Variants in KIAA1217 observed in about 807,000 individuals in gnomAD.
The protein encoded by KIAA1217 is sickle tail protein homolog.
In KIAA1217, 88 loss-of-function variants were observed where a neutral mutation model predicts 163.9. The ratio of observed to expected loss-of-function variants is 0.54; its 90% confidence interval spans 0.45 to 0.64. The LOEUF (loss-of-function observed/expected upper bound fraction) is 0.64, where lower values mean the gene tolerates loss of function less well. Ranked by LOEUF, KIAA1217 falls within the 30% of genes least tolerant of loss-of-function variation. KIAA1217 has a pLI of 0.00. For synonymous variants in KIAA1217, 903 were observed against 923.1 expected (o/e 0.98, Z 0.39); for missense variants, 2,372 against 2,475.0 (o/e 0.96, Z 0.88).
At chr10:23,919,418 C>T (rs1233882540) in intron 1 of KIAA1217, among the ~76,000 whole-genome samples, 2 of 151,718 alleles carry the variant, frequency 1.3e-5, no homozygotes, top group East Asian at 3.9e-4. Flanking sequence ...CCAGCCTGGG[C>T]AACATGGTGA....
chr10:23,859,219 A>G (rs959084113), intron 1 of KIAA1217, among the ~76,000 whole-genome samples: 1 of 152,184 alleles, frequency 6.6e-6, no homozygotes, highest in Non-Finnish European at 1.5e-5. Flanking sequence ...TTATGGACCT[A>G]AAGCCTGTGG....
intron 1 of KIAA1217, among the ~76,000 whole-genome samples, chr10:23,910,502 A>G (rs1049493817): frequency 3.9e-5 from 6 of 152,268 alleles, no homozygotes; most frequent in African/African-American, 1.4e-4. Flanking sequence ...TGCAGCTGCC[A>G]CTGTTTGTCA....
intron 1 of KIAA1217, among the ~76,000 whole-genome samples, chr10:23,916,582 A>G (rs17576694): frequency 0.017 from 2,651 of 152,340 alleles, 45 homozygotes; most frequent in Admixed American, 0.052. Flanking sequence ...AACACTAAAT[A>G]TGAAAGTATT....
intron 2 of KIAA1217, among the ~76,000 whole-genome samples, chr10:24,376,753 G>A (rs2052549999): frequency 6.6e-6 from 1 of 152,130 alleles, no homozygotes; most frequent in Non-Finnish European, 1.5e-5. Flanking sequence ...TAGAGACCCT[G>A]TCTGACTGAA....
Position 23,700,066 on chromosome 10 carries a change from A to G in KIAA1217, c.-321+4832A>G, listed in dbSNP as rs78038586. 2.1e-3 allele frequency among the ~76,000 whole-genome samples: 320 copies of G among 152,326 alleles called. 1 individual carries two copies. The highest frequency in any genetic ancestry group is 7.0e-3 in the African/African-American group (291 of 41,580). On this transcript the variant is annotated intron_variant, in intron 1 of 18. Transcript: ENST00000376462. ...AGAGCCACAGCCTTCTAAAGATTCTAACTGTGAAGTACTGTTTCCTTTGCT... is the reference window on the plus strand; with the variant it reads ...AGAGCCACAGCCTTCTAAAGATTCTGACTGTGAAGTACTGTTTCCTTTGCT...
chr10:24,012,493 T>A (rs1847278475), intron 2 of KIAA1217, among the ~76,000 whole-genome samples: 1 of 152,146 alleles, frequency 6.6e-6, no homozygotes, highest in South Asian at 2.1e-4. Context: ...AGAGAAGCAG[T>A]AGGAAAGGAA....
chr10:24,397,442 C>G (rs545668769), intron 3 of KIAA1217, among the ~76,000 whole-genome samples: 1 of 152,282 alleles, frequency 6.6e-6, no homozygotes, highest in South Asian at 2.1e-4. Flanking sequence ...TAGTAGCTAA[C>G]ATTTGCTAAG....
intron 1 of KIAA1217, among the ~76,000 whole-genome samples, chr10:23,993,208 T>G (rs972148432): frequency 5.3e-5 from 8 of 151,788 alleles, no homozygotes; most frequent in African/African-American, 1.7e-4. Flanking sequence ...ATTTTTGTAT[T>G]TTTAGTAGAG....
intron 1 of KIAA1217, 40 bp downstream of exon 1, chr10:24,209,303 G>A: frequency 2.7e-6 from 4 of 1,486,684 alleles, no homozygotes; most frequent in Non-Finnish European, 3.7e-6. Flanking sequence ...TTACAGGGAC[G>A]CGTGCCCCTT....
chr10:23,793,457 T>G (rs567586157), intron 1 of KIAA1217, among the ~76,000 whole-genome samples: 2 of 152,336 alleles, frequency 1.3e-5, no homozygotes, highest in African/African-American at 4.8e-5. Flanking sequence ...ATGCCTGTCT[T>G]TACTTTTCCC....
chr10:24,495,766 A>T (rs1315986449), intron 8 of KIAA1217, among the ~76,000 whole-genome samples: 1 of 152,238 alleles, frequency 6.6e-6, no homozygotes, highest in Non-Finnish European at 1.5e-5. Flanking sequence ...GAGAAGGGAC[A>T]GTAGCCAATA....
rs996074565 is a variant in KIAA1217 at position 24,159,554 on chromosome 10, C to T, written c.-170-60072C>T. Among the ~76,000 whole-genome samples the T allele has an allele frequency of 1.1e-4, 16 of 151,762 alleles. No individual in the cohort carries two copies. The East Asian group carries it at 1.9e-3, about 18-fold the overall frequency. On this transcript the variant is annotated intron_variant, in intron 2 of 18. Coordinates refer to the KIAA1217 transcript ENST00000376462. ...CAGCACTTTGGGAGGCCGAGGCGGG[C>T]GGATCACGAGGTCAGGAGATCAAGA...
At chr10:23,917,354 C>T (rs1224512098) in intron 1 of KIAA1217, among the ~76,000 whole-genome samples, 3 of 152,168 alleles carry the variant, frequency 2.0e-5, no homozygotes, top group Admixed American at 1.3e-4. Flanking sequence ...GGCAGTAGGG[C>T]ATCTGAGACA....
At chr10:23,844,104 A>C (rs1418387015) in intron 1 of KIAA1217, among the ~76,000 whole-genome samples, 1 of 152,152 alleles carries the variant, frequency 6.6e-6, no homozygotes, top group African/African-American at 2.4e-5. Flanking sequence ...ATTTTCAACC[A>C]ATCTTTTTAT....
At chr10:24,011,258 G>A (rs1847225190) in intron 2 of KIAA1217, among the ~76,000 whole-genome samples, 2 of 152,144 alleles carry the variant, frequency 1.3e-5, no homozygotes, top group South Asian at 4.1e-4. Context: ...GGCTGAGGCA[G>A]GAGGATCTCT....
At chr10:24,309,346 G>A (rs898095923) in intron 2 of KIAA1217, among the ~76,000 whole-genome samples, 35 of 133,724 alleles carry the variant, frequency 2.6e-4, no homozygotes, top group Admixed American at 1.5e-4. Flanking sequence ...GCGCACGCGC[G>A]CGCGCACACA....
chr10:23,715,464 G>A (rs962427382), intron 1 of KIAA1217, among the ~76,000 whole-genome samples: 3 of 152,172 alleles, frequency 2.0e-5, no homozygotes, highest in African/African-American at 7.2e-5. Context: ...AATATGTGAT[G>A]TAAGTAAAAC....
At chr10:23,867,411 C>A (rs1179684951) in intron 1 of KIAA1217, among the ~76,000 whole-genome samples, 1 of 152,012 alleles carries the variant, frequency 6.6e-6, no homozygotes, top group Admixed American at 6.6e-5. Flanking sequence ...TTCTAGATCC[C>A]TGAGGAATCG....
intron 1 of KIAA1217, among the ~76,000 whole-genome samples, chr10:23,954,196 C>T (rs552649088): frequency 1.9e-4 from 29 of 152,102 alleles, no homozygotes; most frequent in African/African-American, 4.6e-4. Flanking sequence ...AGTCAATAGA[C>T]GGAAAGATTA....
Sources: gnomAD v4.1 joint callset for allele counts (sites outside exome capture counted in the v4.1 genomes callset) on GRCh38, gnomAD v4.1.1 for gene constraint, MANE v1.5 for transcripts, NCBI Gene and HGNC (gene_info 2026-07-23, HGNC 2026-07-21) for gene names.